ZNF544: variants seen among roughly 807,000 people sequenced by gnomAD.
The protein encoded by ZNF544 is zinc finger protein AF020591.
ZNF544 carries 10 observed loss-of-function variants against 13.5 expected under a neutral mutation model. The observed-to-expected ratio is 0.74, with a 90% CI of 0.46 to 1.25. ZNF544 has a LOEUF of 1.25. ZNF544 is among the 50% of genes most tolerant of loss of function. ZNF544 has a pLI of 0.00. For missense variants in ZNF544, 896 were observed against 845.6 expected, an observed-to-expected ratio of 1.06 and a Z score of -0.74; for synonymous variants, 323 against 300.5, an observed-to-expected ratio of 1.07 and a Z score of -0.77.
intron 4 of ZNF544, among the ~76,000 whole-genome samples, chr19:58,245,589 C>T (rs1473370216): frequency 6.6e-6 from 1 of 152,302 alleles, no homozygotes; most frequent in South Asian, 2.1e-4. Context: ...CGTGAGCCAC[C>T]GTGCCCGGTC....
intron 6 of ZNF544, 114 bp from the exon 7 acceptor site, chr19:58,260,737 T>C: frequency 2.0e-6 from 2 of 978,236 alleles, no homozygotes; most frequent in Non-Finnish European, 2.9e-6. Context: ...TTACAGTTTG[T>C]AGTTTGGAAA....
intron 3 of ZNF544, among the ~76,000 whole-genome samples, chr19:58,236,088 G>A (rs1276388614): frequency 1.3e-5 from 2 of 151,034 alleles, no homozygotes; most frequent in Non-Finnish European, 3.0e-5. Flanking sequence ...ACAACTTCAT[G>A]TCTGGGCATA....
chr19:58,231,126 C>T (rs1222393420), intron 3 of ZNF544, among the ~76,000 whole-genome samples: 2 of 151,492 alleles, frequency 1.3e-5, no homozygotes, highest in African/African-American at 4.9e-5. Context: ...GCAGATTGCA[C>T]AGAACAAACA....
intron 3 of ZNF544, among the ~76,000 whole-genome samples, chr19:58,234,420 G>A (rs1372280135): frequency 6.6e-6 from 1 of 152,218 alleles, no homozygotes; most frequent in Admixed American, 6.5e-5. Context: ...TGGCCTCCCT[G>A]CTACCTGGGA....
chr19:58,275,558 C>T (rs2147938564), intron 5 of ZNF544, among the ~76,000 whole-genome samples: 1 of 151,638 alleles, frequency 6.6e-6, no homozygotes, highest in East Asian at 1.9e-4. Flanking sequence ...TTTGTAATTC[C>T]AGCACTTTGG....
Position 58,249,164 on chromosome 19 carries a change from C to T in ZNF544, c.244+2370C>T, listed in dbSNP as rs559722902. 2.0e-5 allele frequency among the ~76,000 whole-genome samples: 3 copies of T among 152,312 alleles called. No individual in the cohort carries two copies. The South Asian group carries it at 6.2e-4, about 32-fold the overall frequency. On this transcript the variant is annotated intron_variant, in intron 6 of 6. Coordinates refer to ENST00000687789, the MANE Select transcript of ZNF544 (RefSeq NM_014480.4). The stretch of plus-strand genomic sequence containing the variant: ...TTTTGATTCAGTTCCAGGAAGTCAG[C>T]ATTAATCACCCTTAGGTTTCTTGCC...
chr19:58,257,091 T>A (rs1400422110), intron 6 of ZNF544, among the ~76,000 whole-genome samples: 2 of 151,960 alleles, frequency 1.3e-5, no homozygotes, highest in Non-Finnish European at 1.5e-5. Context: ...CCGTCTAATT[T>A]TTTGTATTTT....
At chr19:58,241,828 C>G (rs1241650756) in intron 3 of ZNF544, among the ~76,000 whole-genome samples, 4 of 152,078 alleles carry the variant, frequency 2.6e-5, no homozygotes, top group Non-Finnish European at 1.5e-5. Flanking sequence ...ATGTTGGTGC[C>G]TTGTCTGTCC....
At chr19:58,241,744 G>A (rs916556131) in intron 3 of ZNF544, among the ~76,000 whole-genome samples, 1 of 152,044 alleles carries the variant, frequency 6.6e-6, no homozygotes, top group African/African-American at 2.4e-5. Context: ...TGATCCGCCC[G>A]CCTCGGCCTC....
chr19:58,242,292 A>G (rs1316262516), intron 3 of ZNF544: 4 of 985,202 alleles, frequency 4.1e-6, no homozygotes, highest in East Asian at 2.3e-4. Flanking sequence ...AGGTTTCCCA[A>G]GCCTTTGAAG....
chr19:58,239,325 C>T (rs1026185274), intron 3 of ZNF544, among the ~76,000 whole-genome samples: 1 of 152,308 alleles, frequency 6.6e-6, no homozygotes, highest in African/African-American at 2.4e-5. Context: ...TAGCTGTCCC[C>T]TTCTACACCT....
chr19:58,266,212 C>CAAAA (rs760851818), downstream of ZNF544, among the ~76,000 whole-genome samples: 1,457 of 45,878 alleles, frequency 0.032, 127 homozygotes, highest in Middle Eastern at 0.11. Flanking sequence ...GACTCTGTCT[C>CAAAA]AAAAAAAAAA....
intron 6 of ZNF544, chr19:58,251,319 C>CT (rs1284602471): frequency 1.9e-6 from 1 of 519,034 alleles, no homozygotes. Context: ...TACTTCAGGT[C>CT]TTTCACAAGT....
intron 6 of ZNF544, among the ~76,000 whole-genome samples, chr19:58,254,396 A>C (rs1025553184): frequency 2.0e-5 from 3 of 152,222 alleles, no homozygotes; most frequent in Non-Finnish European, 4.4e-5. Flanking sequence ...CCAGTCGTTG[A>C]GGATGCAGCC....
downstream of ZNF544, among the ~76,000 whole-genome samples, chr19:58,265,186 G>A (rs2049703408): frequency 6.6e-6 from 1 of 152,064 alleles, no homozygotes; most frequent in South Asian, 2.1e-4. Flanking sequence ...AAGGTTACAA[G>A]CACATAATTT....
In ZNF544 at chr19:58,261,720, A is replaced by C. The variant is rs1288091649; in HGVS notation, c.1114A>C (p.Arg372=). The stretch of plus-strand genomic sequence containing the variant: ...CAGCTGTTGTAAGCTCATACACCAG[A>C]GAACACACACTGGAGAAAAGCCCTT... ...SFSCCKLIHQ[R]THTGEKPFEC... is the part of the protein sequence containing the mutation. The change falls in exon 7 of 7, where the codon AGA becomes CGA. Residue 372 remains arginine, a synonymous_variant. Transcript: ENST00000687789. 2 of 1,614,262 alleles carry C rather than the reference A, an allele frequency of 1.2e-6. No individual in the cohort carries two copies. The highest frequency in any genetic ancestry group is 1.7e-6 in the Non-Finnish European group (2 of 1,180,046).
chr19:58,229,444 T>G (rs1374129599), intron 1 of ZNF544, 24 bp from the exon 2 acceptor site: 1 of 152,176 alleles, frequency 6.6e-6, no homozygotes, highest in African/African-American at 2.4e-5. Flanking sequence ...CTCCCTCAAC[T>G]CATCTTCTGC....
chr19:58,254,149 G>A (rs1487630755), intron 6 of ZNF544, among the ~76,000 whole-genome samples: 1 of 151,954 alleles, frequency 6.6e-6, no homozygotes, highest in Non-Finnish European at 1.5e-5. Context: ...GCGTGAACCC[G>A]GGAGGCATAG....
At chr19:58,276,986 T>G (rs1265525128) in intron 6 of ZNF544, among the ~76,000 whole-genome samples, 1 of 152,196 alleles carries the variant, frequency 6.6e-6, no homozygotes, top group Non-Finnish European at 1.5e-5. Flanking sequence ...TTCCTTATTA[T>G]GCTGCTCAGG....
Sources: allele counts gnomAD v4.1 joint callset (sites outside exome capture counted in the v4.1 genomes callset), GRCh38; gene constraint gnomAD v4.1.1; transcripts MANE v1.5; gene names NCBI Gene and HGNC (gene_info 2026-07-23, HGNC 2026-07-21).